Variants in COPA observed in about 807,000 individuals in gnomAD.
COPA encodes the protein coat protein complex I subunit alpha.
Under a neutral mutation model 158.7 loss-of-function variants are expected in COPA, and 10 were observed. The observed-to-expected ratio is 0.06, with a 90% CI of 0.04 to 0.11. The LOEUF (loss-of-function observed/expected upper bound fraction) is 0.11. Among genes scored for constraint, COPA ranks in the 10% least tolerant of loss-of-function variants. The probability of loss-of-function intolerance (pLI) is 1.00; values close to 1 mark genes in which losing one functional copy is unlikely to be tolerated. For synonymous variants in COPA, 462 were observed against 542.8 expected, an observed-to-expected ratio of 0.85 and a Z score of 2.07; for missense variants, 1,065 against 1,536.7, an observed-to-expected ratio of 0.69 and a Z score of 5.13.
At chr1:160,306,613 TC>T in intron 14 of COPA, 120 bp from the exon 15 acceptor site, 1 of 1,261,358 alleles carries the variant, frequency 7.9e-7, no homozygotes, top group Non-Finnish European at 1.1e-6. Flanking sequence ...TTTTGTCCTG[TC>T]CATGTCAATT....
chr1:160,319,440 G>A (rs1463213125), intron 8 of COPA, among the ~76,000 whole-genome samples: 1 of 150,600 alleles, frequency 6.6e-6, no homozygotes, highest in Non-Finnish European at 1.5e-5. Flanking sequence ...ATAATAGTAG[G>A]AGAGCTAATA....
intron 6 of COPA, among the ~76,000 whole-genome samples, chr1:160,331,274 G>T (rs1647498362): frequency 6.6e-6 from 1 of 151,994 alleles, no homozygotes; most frequent in African/African-American, 2.4e-5. Context: ...TCAAAATAAA[G>T]ATATGTAAAC....
At chr1:160,295,641 A>T in intron 23 of COPA, 95 bp downstream of exon 23, 1 of 1,284,366 alleles carries the variant, frequency 7.8e-7, no homozygotes, top group Non-Finnish European at 1.0e-6. Flanking sequence ...CATGCAGAAA[A>T]AAAGGACAAG....
At chr1:160,310,099 G>C (rs1571162166) in intron 12 of COPA, 93 bp downstream of exon 12, 1 of 695,294 alleles carries the variant, frequency 1.4e-6, no homozygotes, top group Admixed American at 3.1e-5. Flanking sequence ...CCATTAAATA[G>C]TTTCTAAGAA....
At chr1:160,307,133 A>G (rs1658814539) in intron 14 of COPA, 30 bp downstream of exon 14, 1 of 1,609,944 alleles carries the variant, frequency 6.2e-7, no homozygotes, top group South Asian at 1.1e-5. Flanking sequence ...ACACTCCCCA[A>G]ATTAGTTTCT....
At chr1:160,324,419 C>T (rs1434351565) in intron 7 of COPA, among the ~76,000 whole-genome samples, 1 of 150,702 alleles carries the variant, frequency 6.6e-6, no homozygotes, top group Non-Finnish European at 1.5e-5. Context: ...ACCTCGGCCT[C>T]CCAAAGGACT....
chr1:160,332,141 T>C (rs1647557919), intron 6 of COPA, among the ~76,000 whole-genome samples: 1 of 152,214 alleles, frequency 6.6e-6, no homozygotes, highest in Non-Finnish European at 1.5e-5. Context: ...TTTTCTTATT[T>C]GAGTGGAAAG....
chr1:160,325,777 GA>G (rs1265066698), intron 6 of COPA, 125 bp from the exon 7 acceptor site: 1 of 696,776 alleles, frequency 1.4e-6, no homozygotes, highest in African/African-American at 1.8e-5. Flanking sequence ...ACTGAAGAAA[GA>G]AAAGAGACTC....
In COPA at chr1:160,311,964, G is replaced by A; in HGVS notation, c.980C>T (p.Ala327Val). ...ATAGTGTAGCATATTGCCATGAACA[G>A]CATAGGCTGGCCGTTCCCGTTCCAG... ...FKLERERPAYAVHGNMLHYVK... is the reference protein window; with the variant it reads ...FKLERERPAYVVHGNMLHYVK... Residue 327 changes from alanine (A) to valine (V), a missense_variant, in exon 11 of 33, where the codon GCT (alanine) becomes GTT (valine). By Grantham distance (64) the Ala-to-Val change is moderately conservative. This residue lies in a region of COPA where 980 missense variants were observed against 1,357.8 expected (regional missense o/e 0.72). Coordinates refer to ENST00000241704, the MANE Select transcript of COPA (RefSeq NM_004371.4). The A allele has an allele frequency of 6.2e-7, 1 of 1,614,044 alleles. No individual in the cohort carries two copies. Among genetic ancestry groups the A allele is most frequent in the Admixed American group, 1.7e-5 (1 of 60,020 alleles).
At chr1:160,299,539 T>TA (rs1240508894) in intron 17 of COPA, among the ~76,000 whole-genome samples, 1 of 152,232 alleles carries the variant, frequency 6.6e-6, no homozygotes, top group Non-Finnish European at 1.5e-5. Flanking sequence ...TAAGTTCTGA[T>TA]ATATAATCAG....
At chr1:160,339,732 G>T in intron 3 of COPA, 177 bp downstream of exon 3, 1 of 520,052 alleles carries the variant, frequency 1.9e-6, no homozygotes, top group South Asian at 3.2e-5. Flanking sequence ...AAAGAAAACA[G>T]TGTCTGGTAC....
intron 27 of COPA, among the ~76,000 whole-genome samples, 163 bp from the exon 28 acceptor site, chr1:160,292,783 T>G (rs558911444): frequency 6.6e-6 from 1 of 152,346 alleles, no homozygotes; most frequent in African/African-American, 2.4e-5. Context: ...GTATTTAGGA[T>G]AGTGCCTGGC....
intron 31 of COPA, 43 bp downstream of exon 31, chr1:160,291,292 G>A (rs1232196830): frequency 6.2e-7 from 1 of 1,607,410 alleles, no homozygotes. Context: ...CCATGTAAGA[G>A]CTGATCTGGC....
chr1:160,335,871 G>A (rs553597985), intron 3 of COPA, among the ~76,000 whole-genome samples: 4 of 127,614 alleles, frequency 3.1e-5, no homozygotes, highest in South Asian at 2.7e-4. Context: ...GTAACAGAGC[G>A]AGACTCAGTC....
intron 26 of COPA, 26 bp downstream of exon 26, chr1:160,293,360 G>C: frequency 6.2e-7 from 1 of 1,612,906 alleles, no homozygotes; most frequent in Non-Finnish European, 8.5e-7. Context: ...ACTCATCCCT[G>C]CCGTGCTAGG....
intron 2 of COPA, 58 bp from the exon 3 acceptor site, chr1:160,340,040 G>C (rs1647965356): frequency 1.9e-5 from 30 of 1,583,116 alleles, no homozygotes; most frequent in Middle Eastern, 1.7e-4. Context: ...AATCTCTAAG[G>C]TGATTCCTAT....
Position 160,297,711 on chromosome 1 carries a change from T to C in COPA, c.2012A>G (p.Lys671Arg), listed in dbSNP as rs776425202. ...TTCTCCCAGCTTTTCCCAGCAGTTC[T>C]TGTCATCCAGTGCTTTGGCTGCTTC... ...ALEAAKALDD[K>R]NCWEKLGEVA... The change falls in exon 20 of 33, where the codon AAG becomes AGG. Residue 671 changes from lysine (K) to arginine (R), a missense_variant. Physicochemically the swap from Lys to Arg is conservative, Grantham distance 26. This residue lies in a region of COPA where 980 missense variants were observed against 1,357.8 expected (regional missense o/e 0.72). Transcript: ENST00000241704. The C allele has an allele frequency of 5.6e-6, 9 of 1,614,126 alleles. No homozygotes were observed. Among genetic ancestry groups the C allele is most frequent in the Non-Finnish European group, 7.6e-6 (9 of 1,180,002 alleles).
In COPA at chr1:160,320,792, TAAAA is replaced by T. The variant is rs143294298; in HGVS notation, c.706+2635_706+2638del. On this transcript the variant is annotated intron_variant, in intron 8 of 32. Transcript: ENST00000241704. Reference sequence around the variant, plus strand: ...TTAATGCCAATCCTATTCAAACTCTTAAAAAAAAAAAAAAAAAAAAAAAAGGAAG... The same window carrying T: ...TTAATGCCAATCCTATTCAAACTCTTAAAAAAAAAAAAAAAAAAAAGGAAG... 6.6e-3 allele frequency among the ~76,000 whole-genome samples: 592 copies of T among 89,200 alleles called. 7 individuals carry two copies. The highest frequency in any genetic ancestry group is 0.022 in the African/African-American group (561 of 25,252). The allele number at this position is 89,200 out of a possible 152,430, so 58.5% of individuals were successfully genotyped here.
At chr1:160,318,809 C>A (rs1659243116) in intron 8 of COPA, among the ~76,000 whole-genome samples, 1 of 151,824 alleles carries the variant, frequency 6.6e-6, no homozygotes, top group African/African-American at 2.4e-5. Flanking sequence ...CTTTAAAATA[C>A]CTTATTCTAT....
Sources: allele counts gnomAD v4.1 joint callset (sites outside exome capture counted in the v4.1 genomes callset), GRCh38; gene constraint gnomAD v4.1.1; regional missense constraint gnomAD v4.1.1; transcripts MANE v1.5; gene names NCBI Gene and HGNC (gene_info 2026-07-23, HGNC 2026-07-21).